SNX29: variants seen among roughly 807,000 people sequenced by gnomAD.
SNX29 encodes the protein sorting nexin-29.
Under a neutral mutation model 102.1 loss-of-function variants are expected in SNX29, and 78 were observed. That is an observed-to-expected ratio of 0.76 (90% CI 0.64 to 0.92). SNX29 has a LOEUF of 0.92. Ranked by LOEUF, SNX29 falls within the 40% of genes least tolerant of loss-of-function variation. SNX29 has a pLI of 0.00. For missense variants in SNX29, 1,280 were observed against 1,061.7 expected, an observed-to-expected ratio of 1.21 and a Z score of -2.86; for synonymous variants, 580 against 414.5, an observed-to-expected ratio of 1.40 and a Z score of -4.85.
intron 15 of SNX29, among the ~76,000 whole-genome samples, chr16:12,312,219 G>GATGA (rs1424419715): frequency 2.0e-5 from 3 of 152,214 alleles, no homozygotes; most frequent in Admixed American, 6.5e-5. Flanking sequence ...ATCTGTATTT[G>GATGA]ATGAATGAAT....
At chr16:12,556,302 G>A (rs1180190534) in intron 20 of SNX29, 1 of 152,160 alleles carries the variant, frequency 6.6e-6, no homozygotes, top group Non-Finnish European at 1.5e-5. Flanking sequence ...AGCGGGCATT[G>A]GTCTGCTATA....
chr16:12,307,732 GC>G (rs1162442614), intron 15 of SNX29, among the ~76,000 whole-genome samples: 1 of 152,214 alleles, frequency 6.6e-6, no homozygotes, highest in African/African-American at 2.4e-5. Flanking sequence ...AGTGGTCAAG[GC>G]CTAGATGCCT....
At chr16:12,489,285 GAAA>G (rs66969309) in intron 19 of SNX29, among the ~76,000 whole-genome samples, 1 of 143,960 alleles carries the variant, frequency 6.9e-6, no homozygotes, top group Non-Finnish European at 1.5e-5. Flanking sequence ...TAACACGCTG[GAAA>G]AAAAAAAAAA....
chr16:12,568,838 C>G lies in SNX29; in HGVS notation c.*209C>G, dbSNP rs1419658661. ...GTGACCCGAGAGACCAAGGCAGCACCTCGCTGGAGAGACTGGGACACACAG... is the reference window on the plus strand; with the variant it reads ...GTGACCCGAGAGACCAAGGCAGCACGTCGCTGGAGAGACTGGGACACACAG... On this transcript the variant is annotated 3_prime_UTR_variant, in exon 21 of 21. Coordinates refer to ENST00000566228, the MANE Select transcript of SNX29 (RefSeq NM_032167.5). The G allele has an allele frequency of 3.1e-5, 23 of 744,568 alleles. No individual in the cohort carries two copies. The East Asian group carries it at 3.7e-4, about 12-fold the overall frequency. The allele number at this position is 744,568 out of a possible 1,614,324, so 46.1% of individuals were successfully genotyped here. A position where few individuals can be genotyped will look rare whatever the true frequency, so the allele number is the denominator to read the frequency against.
chr16:12,128,140 C>T (rs771771954), intron 12 of SNX29, among the ~76,000 whole-genome samples: 13 of 152,124 alleles, frequency 8.5e-5, no homozygotes, highest in East Asian at 3.9e-4. Flanking sequence ...ATCTTTAGAC[C>T]GCACCATTTT....
chr16:12,218,550 T>G (rs1299248753), intron 14 of SNX29, among the ~76,000 whole-genome samples: 1 of 152,212 alleles, frequency 6.6e-6, no homozygotes, highest in Non-Finnish European at 1.5e-5. Flanking sequence ...CCAAAATATT[T>G]ACCATCTGGC....
chr16:12,396,160 C>T (rs11645032), intron 16 of SNX29, among the ~76,000 whole-genome samples: 2,682 of 152,332 alleles, frequency 0.018, 44 homozygotes, highest in Non-Finnish European at 0.028. Flanking sequence ...TGAAAATCCC[C>T]ACCCCTCAGG....
chr16:12,552,272 C>T (rs1238630030), intron 20 of SNX29, among the ~76,000 whole-genome samples: 1 of 152,296 alleles, frequency 6.6e-6, no homozygotes, highest in East Asian at 1.9e-4. Flanking sequence ...TAAGCCCTGG[C>T]CAGTTAACTT....
At chr16:12,366,715 T>A (rs967849890) in intron 16 of SNX29, among the ~76,000 whole-genome samples, 1 of 152,234 alleles carries the variant, frequency 6.6e-6, no homozygotes, top group African/African-American at 2.4e-5. Context: ...TTTCTCCTCC[T>A]GTTTTCGTGT....
chr16:12,464,568 C>T (rs2086966251), intron 18 of SNX29, among the ~76,000 whole-genome samples: 1 of 152,116 alleles, frequency 6.6e-6, no homozygotes, highest in Non-Finnish European at 1.5e-5. Flanking sequence ...ATCCTCCCAC[C>T]CTAGCCTCCT....
chr16:12,346,686 C>T (rs2081819866), intron 15 of SNX29, among the ~76,000 whole-genome samples: 1 of 152,166 alleles, frequency 6.6e-6, no homozygotes, highest in Non-Finnish European at 1.5e-5. Context: ...GCTGGGGCTC[C>T]AGGTTTTGTT....
chr16:12,305,891 G>C (rs997346976), intron 15 of SNX29, among the ~76,000 whole-genome samples: 1 of 152,160 alleles, frequency 6.6e-6, no homozygotes, highest in Non-Finnish European at 1.5e-5. Context: ...GATTTAAAAG[G>C]CTCTGTAATA....
At chr16:12,310,083 T>C (rs533337019) in intron 15 of SNX29, among the ~76,000 whole-genome samples, 3 of 148,996 alleles carry the variant, frequency 2.0e-5, no homozygotes, top group Admixed American at 6.7e-5. Flanking sequence ...CATACACATG[T>C]GCACACATGC....
intron 20 of SNX29, among the ~76,000 whole-genome samples, chr16:12,549,508 T>G (rs1251857742): frequency 2.7e-5 from 4 of 150,266 alleles, no homozygotes; most frequent in African/African-American, 4.9e-5. Flanking sequence ...AAGATGTTCA[T>G]GCCATTTTTC....
chr16:12,044,124 G>T lies in SNX29; in HGVS notation c.428+1047G>T, dbSNP rs3891808. On this transcript the variant is annotated intron_variant, in intron 5 of 20. Transcript: ENST00000566228. ...TTTGTGTCCTTGAGTGATACGGAGCGACACTGACGAATCCTGTTCTGGTTC... is the reference window on the plus strand; with the variant it reads ...TTTGTGTCCTTGAGTGATACGGAGCTACACTGACGAATCCTGTTCTGGTTC... Among the ~76,000 whole-genome samples the T allele has an allele frequency of 3.0e-3, 457 of 152,280 alleles. 4 individuals carry two copies. The highest frequency in any genetic ancestry group is 0.011 in the African/African-American group (439 of 41,570).
intron 19 of SNX29, among the ~76,000 whole-genome samples, chr16:12,480,184 AAAAC>A (rs1238234766): frequency 6.6e-6 from 1 of 152,216 alleles, no homozygotes; most frequent in African/African-American, 2.4e-5. Context: ...TGCAGGGACT[AAAAC>A]AAATTCATTA....
Position 12,011,411 on chromosome 16 carries a change from A to AT in SNX29, c.122+8372dup, listed in dbSNP as rs1186004402. Among the ~76,000 whole-genome samples the AT allele has an allele frequency of 2.6e-5, 4 of 151,414 alleles. 1 individual carries two copies. The highest frequency in any genetic ancestry group is 5.9e-5 in the Non-Finnish European group (4 of 67,898). On this transcript the variant is annotated intron_variant, in intron 3 of 20. Transcript: ENST00000566228. ...GTGCCTCAGCCTCCGAGTAGCTGGG[A>AT]TTTTAGGGGTGTGTCACCACACCCA...
chr16:12,457,042 G>A (rs914437096), intron 18 of SNX29, among the ~76,000 whole-genome samples: 1 of 152,196 alleles, frequency 6.6e-6, no homozygotes, highest in African/African-American at 2.4e-5. Context: ...CTAGTGGGCA[G>A]TAAGCTGTGA....
chr16:12,181,883 C>CTTT (rs397854786), intron 13 of SNX29, among the ~76,000 whole-genome samples: 6 of 141,294 alleles, frequency 4.2e-5, no homozygotes, highest in African/African-American at 5.2e-5. Context: ...GGGCTTCTGC[C>CTTT]TTTTTTTTTT....
Sources: gnomAD v4.1 joint callset for allele counts (sites outside exome capture counted in the v4.1 genomes callset) on GRCh38, gnomAD v4.1.1 for gene constraint, MANE v1.5 for transcripts, NCBI Gene and HGNC (gene_info 2026-07-23, HGNC 2026-07-21) for gene names.